The following PRKAR2B variants were observed in gnomAD, a reference collection of about 807,000 sequenced individuals.
PRKAR2B encodes the protein protein kinase cAMP-dependent type II regulatory subunit beta.
A neutral mutation model predicts 49.9 loss-of-function variants in PRKAR2B; 14 were observed. The ratio of observed to expected loss-of-function variants is 0.28; its 90% confidence interval spans 0.19 to 0.44. The LOEUF is 0.44. Among genes scored for constraint, PRKAR2B ranks in the 20% least tolerant of loss-of-function variants. The pLI, the probability that PRKAR2B is intolerant of heterozygous loss-of-function variation, is 1.00. For missense variants in PRKAR2B, 393 were observed against 537.9 expected (o/e 0.73, Z 2.67); for synonymous variants, 196 against 197.7 (o/e 0.99, Z 0.07).
At chr7:107,089,994 T>G (rs559348517) in intron 2 of PRKAR2B, among the ~76,000 whole-genome samples, 1 of 152,362 alleles carries the variant, frequency 6.6e-6, no homozygotes, top group South Asian at 2.1e-4. Context: ...TTACTTTTGG[T>G]AACTGGTTGG....
At chr7:107,138,207 A>G (rs975600816) in intron 4 of PRKAR2B, among the ~76,000 whole-genome samples, 1 of 152,172 alleles carries the variant, frequency 6.6e-6, no homozygotes, top group East Asian at 1.9e-4. Flanking sequence ...AATGTACAAC[A>G]CCAATAGCAA....
Position 107,068,309 on chromosome 7 carries a change from C to T in PRKAR2B, c.308-1972C>T, listed in dbSNP as rs187360134. Among the ~76,000 whole-genome samples the T allele has an allele frequency of 4.7e-4, 71 of 152,190 alleles. No individual in the cohort carries two copies. The East Asian group carries it at 0.01, about 22-fold the overall frequency. ...GCAGAGAATGTCTACTATATTTTTG[C>T]CCCAAGGCTGAGAGAAGTTTTTAAC... On this transcript the variant is annotated intron_variant, in intron 1 of 10. Coordinates refer to ENST00000265717, the MANE Select transcript of PRKAR2B (RefSeq NM_002736.3).
In PRKAR2B at chr7:107,061,296, A is replaced by G. The variant is rs993151178; in HGVS notation, c.308-8985A>G. 3.3e-5 allele frequency among the ~76,000 whole-genome samples: 5 copies of G among 152,252 alleles called. No homozygotes were observed. The South Asian group carries it at 6.2e-4, about 19-fold the overall frequency. On this transcript the variant is annotated intron_variant, in intron 1 of 10. Transcript: ENST00000265717. ...AATCTTTATTGGTAGTTTTATTGGAATTGCTTGAATTTATAAACAAAGTTG... is the reference window on the plus strand; with the variant it reads ...AATCTTTATTGGTAGTTTTATTGGAGTTGCTTGAATTTATAAACAAAGTTG...
At chr7:107,053,264 A>G (rs1793844956) in intron 1 of PRKAR2B, among the ~76,000 whole-genome samples, 1 of 152,200 alleles carries the variant, frequency 6.6e-6, no homozygotes, top group Non-Finnish European at 1.5e-5. Context: ...AATTTTATAC[A>G]TGTGACAATA....
At chr7:107,066,339 C>T (rs1402165816) in intron 1 of PRKAR2B, among the ~76,000 whole-genome samples, 1 of 115,728 alleles carries the variant, frequency 8.6e-6, no homozygotes, top group Non-Finnish European at 1.8e-5. Context: ...TGTGTATTCA[C>T]CAAATATCCA....
chr7:107,090,936 A>G (rs978971129), intron 2 of PRKAR2B, among the ~76,000 whole-genome samples: 3 of 152,254 alleles, frequency 2.0e-5, no homozygotes, highest in African/African-American at 7.2e-5. Context: ...AAGGTCCCAA[A>G]AAAGAAATAA....
chr7:107,136,945 G>C lies in PRKAR2B; in HGVS notation c.481-3902G>C, dbSNP rs540142308. Among the ~76,000 whole-genome samples, 183 of 152,278 alleles carry C rather than the reference G, an allele frequency of 1.2e-3. 1 individual carries two copies. Among genetic ancestry groups the C allele is most frequent in the Non-Finnish European group, 1.7e-3 (116 of 68,022 alleles). ...AGTATGTGAATGGATAAATAAACTG[G>C]TACATCTAGACAGTGGACAAAATGA... On this transcript the variant is annotated intron_variant, in intron 4 of 10. Coordinates refer to ENST00000265717, the MANE Select transcript of PRKAR2B (RefSeq NM_002736.3).
intron 1 of PRKAR2B, among the ~76,000 whole-genome samples, chr7:107,053,216 A>G (rs1004184620): frequency 1.3e-5 from 2 of 152,186 alleles, no homozygotes; most frequent in African/African-American, 4.8e-5. Context: ...CTTTATTAGC[A>G]AAATATATTT....
intron 1 of PRKAR2B, among the ~76,000 whole-genome samples, chr7:107,054,062 C>T (rs553568225): frequency 6.6e-6 from 1 of 152,190 alleles, no homozygotes; most frequent in Admixed American, 6.5e-5. Context: ...AAATAAAACA[C>T]AGTAGGCCGT....
At chr7:107,054,382 TATAGCGGCAC>T (rs201351162) in intron 1 of PRKAR2B, among the ~76,000 whole-genome samples, 1,800 of 152,226 alleles carry the variant, frequency 0.012, 30 homozygotes, top group Admixed American at 0.04. Context: ...AACCACGGTA[TATAGCGGCAC>T]ATGACATGAT....
At position 107,095,722 on chromosome 7, in the gene PRKAR2B, A is replaced by T. The variant is rs7781411; in HGVS notation, c.343+25406A>T. ...GAGTTTTTAGCACGAAGGGCTGTTA[A>T]ATTTTGTTGAAGGCTTTTTCTGCAT... On this transcript the variant is annotated intron_variant, in intron 2 of 10. Coordinates refer to ENST00000265717, the MANE Select transcript of PRKAR2B (RefSeq NM_002736.3). 2.4e-3 allele frequency among the ~76,000 whole-genome samples: 363 copies of T among 152,332 alleles called. 4 individuals are homozygous for T. Among genetic ancestry groups the T allele is most frequent in the African/African-American group, 8.5e-3 (354 of 41,580 alleles).
chr7:107,090,259 C>T (rs1794711682), intron 2 of PRKAR2B, among the ~76,000 whole-genome samples: 1 of 152,178 alleles, frequency 6.6e-6, no homozygotes, highest in Non-Finnish European at 1.5e-5. Context: ...GCCTCTGATT[C>T]TCTCTTGCGG....
intron 2 of PRKAR2B, among the ~76,000 whole-genome samples, chr7:107,086,609 C>T (rs571312614): frequency 4.6e-5 from 7 of 152,012 alleles, no homozygotes; most frequent in East Asian, 3.9e-4. Context: ...TACAGGTGTG[C>T]GCCACCATGC....
intron 2 of PRKAR2B, 44 bp downstream of exon 2, chr7:107,070,360 T>G (rs1220916882): frequency 2.0e-6 from 3 of 1,497,014 alleles, no homozygotes; most frequent in African/African-American, 1.4e-5. Context: ...AATGGTGACA[T>G]TTAAAAAATG....
intron 1 of PRKAR2B, among the ~76,000 whole-genome samples, chr7:107,059,198 G>A (rs1334583527): frequency 6.6e-6 from 1 of 152,186 alleles, no homozygotes; most frequent in Non-Finnish European, 1.5e-5. Context: ...TGAGGCAGGA[G>A]AATCGCTTGA....
intron 2 of PRKAR2B, among the ~76,000 whole-genome samples, chr7:107,095,407 G>A (rs1157863458): frequency 6.6e-6 from 1 of 152,166 alleles, no homozygotes; most frequent in Non-Finnish European, 1.5e-5. Context: ...TTTGGGCTGA[G>A]ACGATGTGGT....
At chr7:107,051,186 C>A (rs1324922850) in intron 1 of PRKAR2B, among the ~76,000 whole-genome samples, 1 of 152,196 alleles carries the variant, frequency 6.6e-6, no homozygotes, top group Admixed American at 6.5e-5. Context: ...TATTAACTTA[C>A]ATCATATGAA....
Position 107,076,392 on chromosome 7 carries a change from A to G in PRKAR2B, c.343+6076A>G, listed in dbSNP as rs1282803043. 3.3e-5 allele frequency among the ~76,000 whole-genome samples: 5 copies of G among 151,446 alleles called. No homozygotes were observed. In the East Asian group the frequency reaches 9.7e-4, roughly 29 times the overall value. On this transcript the variant is annotated intron_variant, in intron 2 of 10. Transcript: ENST00000265717. ...TTTTTTATTGCATTTAATTGTCATG[A>G]CTCAGTTTTTCTTGCCTTTCATAAA... is the stretch of plus-strand genomic sequence containing the variant.
At chr7:107,057,571 G>C (rs1292489240) in intron 1 of PRKAR2B, among the ~76,000 whole-genome samples, 1 of 152,038 alleles carries the variant, frequency 6.6e-6, no homozygotes, top group Non-Finnish European at 1.5e-5. Flanking sequence ...TTTCATTTTG[G>C]TATAGACTCT....
Sources: allele counts gnomAD v4.1 joint callset (sites outside exome capture counted in the v4.1 genomes callset), GRCh38; gene constraint gnomAD v4.1.1; transcripts MANE v1.5; gene names NCBI Gene and HGNC (gene_info 2026-07-23, HGNC 2026-07-21).